PIEZO2: variants seen among roughly 807,000 people sequenced by gnomAD.
The protein encoded by PIEZO2 is piezo-type mechanosensitive ion channel component 2.
A neutral mutation model predicts 337.3 loss-of-function variants in PIEZO2; 172 were observed. The ratio of observed to expected loss-of-function variants is 0.51; its 90% CI spans 0.45 to 0.58. The LOEUF (loss-of-function observed/expected upper bound fraction) is 0.58, where lower values mean the gene tolerates loss of function less well. Ranked by LOEUF, PIEZO2 falls within the 20% of genes least tolerant of loss-of-function variation. PIEZO2 has a pLI of 0.00. For missense variants in PIEZO2, 3,028 were observed against 3,391.3 expected (o/e 0.89, Z 2.66); for synonymous variants, 1,251 against 1,228.5 (o/e 1.02, Z -0.38).
chr18:11,024,179 G>T (rs2036438731), intron 2 of PIEZO2, among the ~76,000 whole-genome samples: 1 of 152,198 alleles, frequency 6.6e-6, no homozygotes, highest in African/African-American at 2.4e-5. Context: ...GAGCGAGGGT[G>T]CACACTGTCA....
chr18:10,705,125 G>T (rs2035522182), intron 41 of PIEZO2, among the ~76,000 whole-genome samples: 1 of 152,168 alleles, frequency 6.6e-6, no homozygotes, highest in South Asian at 2.1e-4. Flanking sequence ...GTCAACACAA[G>T]GCTCTGGGTT....
Position 10,789,156 on chromosome 18 carries a change from C to CGAA in PIEZO2, c.2089_2091dup (p.Phe697dup). The stretch of plus-strand genomic sequence containing the variant: ...ATTACGATTTTACCCTCGAAGCTGA[C>CGAA]GAAGAAGAACATGCCTCCGCAGACG... On this transcript the variant is annotated inframe_insertion, in exon 15 of 56. Coordinates refer to ENST00000674853, the MANE Select transcript of PIEZO2 (RefSeq NM_001378183.1). 6.5e-7 allele frequency: 1 copy of CGAA among 1,537,262 alleles called. No individual in the cohort carries two copies. Among genetic ancestry groups the CGAA allele is most frequent in the Non-Finnish European group, 8.7e-7 (1 of 1,146,908 alleles).
rs146028888 is a variant in PIEZO2, at chr18:10,976,943, A to G, written c.286+2592T>C. ...ATGGTACTAGTAGAGGTCCCACCTG[A>G]AGTGTCCAGGTATTGTGACTTTTTG... On this transcript the variant is annotated intron_variant, in intron 3 of 55. Coordinates refer to ENST00000674853, the MANE Select transcript of PIEZO2 (RefSeq NM_001378183.1). Among the ~76,000 whole-genome samples the G allele has an allele frequency of 1.1e-4, 16 of 151,414 alleles. 1 individual carries two copies. In the East Asian group the frequency reaches 2.9e-3, roughly 28 times the overall value.
chr18:11,101,053 G>C lies in PIEZO2; in HGVS notation c.65-34831C>G, dbSNP rs953041575. 6.6e-6 allele frequency among the ~76,000 whole-genome samples: 1 copy of C among 152,224 alleles called. No individual in the cohort carries two copies. Among genetic ancestry groups the C allele is most frequent in the Admixed American group, 6.5e-5 (1 of 15,292 alleles). Reference sequence around the variant, plus strand: ...CCCACTGGAGATGCAGCTTCAGAGAGTTTAATGGGCATGGCATCCCCAGGG... The same window carrying C: ...CCCACTGGAGATGCAGCTTCAGAGACTTTAATGGGCATGGCATCCCCAGGG... On this transcript the variant is annotated intron_variant, in intron 1 of 55. Coordinates refer to ENST00000674853, the MANE Select transcript of PIEZO2 (RefSeq NM_001378183.1). This position sits in a 1 kb window ranked among gnomAD's most constrained non-coding sequence, Gnocchi z 4.4.
chr18:11,023,917 G>T (rs1054208177), intron 2 of PIEZO2, among the ~76,000 whole-genome samples: 1 of 152,202 alleles, frequency 6.6e-6, no homozygotes, highest in Non-Finnish European at 1.5e-5. Context: ...GCCCGGGGCC[G>T]GCAGGACTGG....
At chr18:11,011,510 C>T (rs1272794211) in intron 2 of PIEZO2, among the ~76,000 whole-genome samples, 1 of 152,098 alleles carries the variant, frequency 6.6e-6, no homozygotes, top group Non-Finnish European at 1.5e-5. Flanking sequence ...TAATAATGTC[C>T]TTATTACCTC....
chr18:10,686,723 T>G (rs1457249732), intron 49 of PIEZO2, among the ~76,000 whole-genome samples: 1 of 151,924 alleles, frequency 6.6e-6, no homozygotes, highest in Non-Finnish European at 1.5e-5. Flanking sequence ...ACTTGAGGGG[T>G]TAGGGCAGGT....
At chr18:10,839,430 G>A (rs2041121505) in intron 7 of PIEZO2, among the ~76,000 whole-genome samples, 1 of 152,206 alleles carries the variant, frequency 6.6e-6, no homozygotes, top group Non-Finnish European at 1.5e-5. Context: ...TCATCAAAGA[G>A]CACTGCACTC....
At chr18:10,886,921 C>T (rs1030783719) in intron 4 of PIEZO2, among the ~76,000 whole-genome samples, 4 of 151,966 alleles carry the variant, frequency 2.6e-5, no homozygotes, top group Admixed American at 1.3e-4. Context: ...ACAGGAACCA[C>T]GGTGCTGGCA....
chr18:10,972,755 G>A (rs955700339), intron 3 of PIEZO2, among the ~76,000 whole-genome samples: 1 of 152,142 alleles, frequency 6.6e-6, no homozygotes, highest in Admixed American at 6.5e-5. Flanking sequence ...ACAGGATTTG[G>A]TTTGGAGTTG....
intron 51 of PIEZO2, among the ~76,000 whole-genome samples, chr18:10,681,287 T>C (rs2034253692): frequency 6.6e-6 from 1 of 152,244 alleles, no homozygotes; most frequent in Non-Finnish European, 1.5e-5. Context: ...CCTCTAGTTC[T>C]GCTAATGCAG....
At chr18:10,957,030 T>G (rs264184) in intron 3 of PIEZO2, among the ~76,000 whole-genome samples, 1 of 149,952 alleles carries the variant, frequency 6.7e-6, no homozygotes, top group East Asian at 2.0e-4. Context: ...GAAATAAACC[T>G]AAGTATATGT....
chr18:11,144,778 G>A (rs1447573010), intron 1 of PIEZO2, among the ~76,000 whole-genome samples: 1 of 152,126 alleles, frequency 6.6e-6, no homozygotes, highest in African/African-American at 2.4e-5. Flanking sequence ...CTGTTTTAGG[G>A]GACGGGCAGC....
chr18:11,145,609 C>A (rs1033446843), intron 1 of PIEZO2, among the ~76,000 whole-genome samples: 3 of 152,100 alleles, frequency 2.0e-5, no homozygotes, highest in African/African-American at 7.2e-5. Flanking sequence ...ACTCACTATG[C>A]GCAGGAGAGA....
chr18:10,790,319 C>A (rs1388710368), intron 14 of PIEZO2, among the ~76,000 whole-genome samples: 2 of 152,190 alleles, frequency 1.3e-5, no homozygotes, highest in Non-Finnish European at 2.9e-5. Context: ...CTGGTTTAAT[C>A]TGAAGGTGAC....
At chr18:10,720,260 T>G (rs2036211314) in intron 36 of PIEZO2, among the ~76,000 whole-genome samples, 1 of 120,044 alleles carries the variant, frequency 8.3e-6, no homozygotes, top group Non-Finnish European at 1.7e-5. Context: ...GGAGCCCAGG[T>G]AATATAAAGA....
chr18:11,038,402 C>A lies in PIEZO2; in HGVS notation c.160+27725G>T, dbSNP rs1201388956. On this transcript the variant is annotated intron_variant, in intron 2 of 55. Coordinates refer to ENST00000674853, the MANE Select transcript of PIEZO2 (RefSeq NM_001378183.1). This position sits in a 1 kb window ranked among gnomAD's most constrained non-coding sequence, Gnocchi z 4.1. Reference sequence around the variant, plus strand: ...CAATGACAGGAAATTAAAAGGTAACCATTCCCATGCCAAGTGTAAGCCGGA... The same window carrying A: ...CAATGACAGGAAATTAAAAGGTAACAATTCCCATGCCAAGTGTAAGCCGGA... Among the ~76,000 whole-genome samples, 1 of 152,078 alleles carries A rather than the reference C, an allele frequency of 6.6e-6. No homozygotes were observed. Among genetic ancestry groups the A allele is most frequent in the Non-Finnish European group, 1.5e-5 (1 of 68,018 alleles).
chr18:10,861,007 A>G lies in PIEZO2; in HGVS notation c.493-3796T>C, dbSNP rs2041857129. 6.6e-6 allele frequency among the ~76,000 whole-genome samples: 1 copy of G among 152,196 alleles called. No homozygotes were observed. The highest frequency in any genetic ancestry group is 2.4e-5 in the African/African-American group (1 of 41,442). ...GACGGGTTAGACTCTGTGAGCCCCT[A>G]CTGTCCTGGTAGGTCAGGGCCAGAA... On this transcript the variant is annotated intron_variant, in intron 5 of 55. Coordinates refer to ENST00000674853, the MANE Select transcript of PIEZO2 (RefSeq NM_001378183.1). The surrounding 1 kb of genome is among the most constrained non-coding windows in gnomAD (Gnocchi z 4.3).
intron 18 of PIEZO2, 100 bp downstream of exon 18, chr18:10,780,225 T>A: frequency 1.5e-6 from 1 of 684,310 alleles, no homozygotes; most frequent in Non-Finnish European, 2.7e-6. Flanking sequence ...CAGTGTCCAC[T>A]ATCTGACAAC....
Sources: gnomAD v4.1 joint callset for allele counts (sites outside exome capture counted in the v4.1 genomes callset) on GRCh38, gnomAD v4.1.1 for gene constraint, Gnocchi (gnomAD v3.1) non-coding constraint, MANE v1.5 for transcripts, NCBI Gene and HGNC (gene_info 2026-07-23, HGNC 2026-07-21) for gene names.